The following TPH1 variants were observed in gnomAD, a reference collection of about 807,000 sequenced individuals.
TPH1 encodes tryptophan 5-hydroxylase 1.
TPH1 carries 37 observed loss-of-function variants against 49.5 expected under a neutral mutation model. That is an observed-to-expected ratio of 0.75 (90% confidence interval 0.58 to 0.98). The LOEUF is 0.98. Ranked by LOEUF, TPH1 falls within the 50% of genes least tolerant of loss-of-function variation. The probability of loss-of-function intolerance (pLI) is 0.00; values close to 1 mark genes in which losing one functional copy is unlikely to be tolerated. For missense variants in TPH1, 487 were observed against 523.6 expected, an observed-to-expected ratio of 0.93 and a Z score of 0.68; for synonymous variants, 160 against 182.1, an observed-to-expected ratio of 0.88 and a Z score of 0.98.
chr11:18,023,736 T>C (rs1854390973), intron 9 of TPH1, 152 bp downstream of exon 9: 3 of 638,134 alleles, frequency 4.7e-6, no homozygotes, highest in East Asian at 2.8e-5. Flanking sequence ...TAATATATAA[T>C]TGGGAAATAG....
Position 18,019,802 on chromosome 11 carries a change from C to G in TPH1, c.*1189G>C, listed in dbSNP as rs1854337247. The G allele has an allele frequency of 2.2e-6, 1 of 454,206 alleles. No individual in the cohort carries two copies. The highest frequency in any genetic ancestry group is 3.3e-4 in the Middle Eastern group (1 of 3,066). The allele number at this position is 454,206 out of a possible 1,614,324, so 28.1% of individuals were successfully genotyped here. A position where few individuals can be genotyped will look rare whatever the true frequency, so the allele number is the denominator to read the frequency against. ...TTGTATTTTGGAGTTCAGCTTCACC[C>G]ATTTATAACAGGACTGCTTACTCCC... On this transcript the variant is annotated 3_prime_UTR_variant, in exon 11 of 11. Coordinates refer to ENST00000682019, the MANE Select transcript of TPH1 (RefSeq NM_004179.3).
At chr11:18,024,056 C>T in intron 8 of TPH1, 73 bp from the exon 9 acceptor site, 1 of 1,200,854 alleles carries the variant, frequency 8.3e-7, no homozygotes, top group Non-Finnish European at 1.2e-6. Context: ...TTCTTAGTCA[C>T]TGACCCAAAA....
intron 1 of TPH1, among the ~76,000 whole-genome samples, chr11:18,045,114 G>T (rs7122118): frequency 0.47 from 70,793 of 152,002 alleles, 17,791 homozygotes; most frequent in African/African-American, 0.65. Flanking sequence ...TATATTTACC[G>T]GATCTAGGAA....
At chr11:18,023,149 C>A (rs988758518) in intron 9 of TPH1, 1 of 520,696 alleles carries the variant, frequency 1.9e-6, no homozygotes, top group African/African-American at 1.9e-5. Flanking sequence ...CTCTCCATGG[C>A]TTTGTTCTTC....
intron 10 of TPH1, among the ~76,000 whole-genome samples, chr11:18,021,375 G>T (rs1224764272): frequency 6.6e-6 from 1 of 152,170 alleles, no homozygotes; most frequent in Admixed American, 6.5e-5. Context: ...TTATAAAATA[G>T]TTATAAGTAC....
intron 3 of TPH1, among the ~76,000 whole-genome samples, chr11:18,035,218 A>G (rs1466459221): frequency 6.6e-6 from 1 of 152,216 alleles, no homozygotes; most frequent in African/African-American, 2.4e-5. Flanking sequence ...TTCATTTACT[A>G]TCTGCTAGAT....
At chr11:18,045,113 C>T (rs775164238) in intron 1 of TPH1, among the ~76,000 whole-genome samples, 1 of 152,064 alleles carries the variant, frequency 6.6e-6, no homozygotes, top group Admixed American at 6.5e-5. Flanking sequence ...TTATATTTAC[C>T]GGATCTAGGA....
intron 3 of TPH1, 115 bp downstream of exon 3, chr11:18,035,844 T>C (rs1395974811): frequency 2.3e-6 from 2 of 886,898 alleles, no homozygotes; most frequent in Non-Finnish European, 3.5e-6. Context: ...TATCAGACTG[T>C]AAGCAATTTG....
chr11:18,023,893 G>A lies in TPH1; in HGVS notation c.1021C>T (p.Leu341Phe), dbSNP rs201751661. ...CAAAGATTTGCAACTCTTACTTTGA[G>A]TTCACTGATAGAAGAAAGTAAGCCA... Reference protein sequence around the residue: ...GAGLLSSISELKHALSGHAKV... With the variant: ...GAGLLSSISEFKHALSGHAKV... Residue 341 changes from leucine to phenylalanine, a missense_variant, in exon 9 of 11, where the codon CTC becomes TTC. By Grantham distance (22) the Leu-to-Phe change is conservative (BLOSUM62 0). Coordinates refer to ENST00000682019, the MANE Select transcript of TPH1 (RefSeq NM_004179.3). 3.7e-6 allele frequency: 6 copies of A among 1,611,230 alleles called. No homozygotes were observed. The East Asian group carries it at 1.3e-4, about 36-fold the overall frequency.
intron 3 of TPH1, among the ~76,000 whole-genome samples, chr11:18,034,982 T>C (rs940372478): frequency 6.6e-6 from 1 of 152,182 alleles, no homozygotes; most frequent in African/African-American, 2.4e-5. Context: ...TCATCAGGCA[T>C]TGGATTCTCA....
intron 10 of TPH1, 85 bp from the exon 11 acceptor site, chr11:18,021,250 A>G: frequency 1.4e-6 from 2 of 1,391,870 alleles, no homozygotes; most frequent in Non-Finnish European, 2.0e-6. Flanking sequence ...TATTTCACAT[A>G]CTAGGCAAAA....
At position 18,023,970 on chromosome 11, in the gene TPH1, G is replaced by A. The variant is rs1249383103; in HGVS notation, c.944C>T (p.Thr315Ile). 1 of 1,612,272 alleles carries A rather than the reference G, an allele frequency of 6.2e-7. No individual in the cohort carries two copies. Among genetic ancestry groups the A allele is most frequent in the Non-Finnish European group, 8.5e-7 (1 of 1,178,802 alleles). Residue 315 changes from threonine (T) to isoleucine (I), a missense_variant, in exon 9 of 11, where the codon ACT becomes ATT. By Grantham distance (89) the Thr-to-Ile change is moderately conservative (BLOSUM62 -1). Coordinates refer to ENST00000682019, the MANE Select transcript of TPH1 (RefSeq NM_004179.3). ...TTGTTTACATAGACCAAACTCCACA[G>A]TGAAAAAGTAGCACTGCAAAAGAAC... ...VQKLATCYFF[T>I]VEFGLCKQDG...
intron 9 of TPH1, 103 bp from the exon 10 acceptor site, chr11:18,023,034 G>A (rs2134025255): frequency 1.6e-6 from 2 of 1,252,674 alleles, no homozygotes; most frequent in Non-Finnish European, 2.3e-6. Context: ...TAATGCAATG[G>A]CCCCAATCTA....
chr11:18,043,790 C>T (rs1159787219), intron 1 of TPH1, among the ~76,000 whole-genome samples: 1 of 151,496 alleles, frequency 6.6e-6, no homozygotes, highest in Non-Finnish European at 1.5e-5. Context: ...TGCTTGAGCT[C>T]AGGAGTTCTA....
At chr11:18,040,812 C>A in intron 1 of TPH1, 24 bp from the exon 2 acceptor site, 1 of 1,594,016 alleles carries the variant, frequency 6.3e-7, no homozygotes, top group African/African-American at 1.3e-5. Context: ...ACAAAGACTA[C>A]GGGCTAAAAA....
In TPH1 at chr11:18,020,774, CA is replaced by C. The variant is rs879119500; in HGVS notation, c.*216del. Reference sequence around the variant, plus strand: ...TAAATTGTCTCATTAAAGCTGCTACCAAAAAAAAAAAGAAATAAAACTAAAC... The same window carrying C: ...TAAATTGTCTCATTAAAGCTGCTACCAAAAAAAAAAGAAATAAAACTAAAC... On this transcript the variant is annotated 3_prime_UTR_variant, in exon 11 of 11. Transcript: ENST00000682019. 38,222 of 362,924 alleles carry C rather than the reference CA, an allele frequency of 0.11. No homozygotes were observed. The highest frequency in any genetic ancestry group is 0.17 in the South Asian group (4,971 of 28,750). 22.5% of individuals were successfully genotyped at this position (362,924 alleles called of 1,614,324 possible).
chr11:18,031,954 C>T (rs147990662), intron 4 of TPH1, among the ~76,000 whole-genome samples: 22 of 152,268 alleles, frequency 1.4e-4, no homozygotes, highest in African/African-American at 5.3e-4. Flanking sequence ...TGTTTATTTA[C>T]ATATGTGTGC....
intron 4 of TPH1, among the ~76,000 whole-genome samples, chr11:18,032,660 T>C (rs989878471): frequency 2.0e-5 from 3 of 149,450 alleles, no homozygotes; most frequent in Admixed American, 6.7e-5. Context: ...ATTCTCCTGC[T>C]TCAGCCTCCC....
At chr11:18,025,431 A>G in intron 8 of TPH1, 144 bp downstream of exon 8, 1 of 972,412 alleles carries the variant, frequency 1.0e-6, no homozygotes, top group Non-Finnish European at 1.6e-6. Flanking sequence ...CCCAGGCTGG[A>G]GTGCAGTGGC....
Sources: gnomAD v4.1 joint callset for allele counts (sites outside exome capture counted in the v4.1 genomes callset) on GRCh38, gnomAD v4.1.1 for gene constraint, MANE v1.5 for transcripts, NCBI Gene and HGNC (gene_info 2026-07-23, HGNC 2026-07-21) for gene names.